The following FYCO1 variants were observed in gnomAD, a reference collection of about 807,000 sequenced individuals.
FYCO1 encodes FYVE and coiled-coil domain-containing protein 1.
A neutral mutation model predicts 165.1 loss-of-function variants in FYCO1; 122 were observed. The observed-to-expected ratio is 0.74, with a 90% CI of 0.64 to 0.86. FYCO1 has a LOEUF of 0.86. Ranked by LOEUF, FYCO1 falls within the 40% of genes least tolerant of loss-of-function variation. FYCO1 has a pLI of 0.00. For synonymous variants in FYCO1, 648 were observed against 742.5 expected, an observed-to-expected ratio of 0.87 and a Z score of 2.07; for missense variants, 1,702 against 1,810.3, an observed-to-expected ratio of 0.94 and a Z score of 1.09.
intron 14 of FYCO1, among the ~76,000 whole-genome samples, chr3:45,940,557 A>G (rs1559445715): frequency 6.6e-6 from 1 of 152,196 alleles, no homozygotes. Context: ...CTCCAAGGGA[A>G]GAGTCGGGGG....
chr3:45,981,195 T>C (rs1358280993), intron 3 of FYCO1, among the ~76,000 whole-genome samples: 2 of 152,330 alleles, frequency 1.3e-5, no homozygotes, highest in East Asian at 1.9e-4. Context: ...AAATGCGTGA[T>C]TGTGTGTATA....
intron 4 of FYCO1, among the ~76,000 whole-genome samples, chr3:45,976,135 A>C (rs1706746201): frequency 6.6e-6 from 1 of 152,268 alleles, no homozygotes; most frequent in South Asian, 2.1e-4. Flanking sequence ...TCTGTCTCAC[A>C]AGTTTGGCAT....
intron 3 of FYCO1, among the ~76,000 whole-genome samples, chr3:45,980,837 T>C (rs192953023): frequency 6.6e-6 from 1 of 152,148 alleles, no homozygotes; most frequent in African/African-American, 2.4e-5. Flanking sequence ...TAGAAAAAAA[T>C]TTAACACCTA....
intron 11 of FYCO1, among the ~76,000 whole-genome samples, chr3:45,960,620 G>GT (rs1367158705): frequency 6.6e-6 from 1 of 152,208 alleles, no homozygotes; most frequent in African/African-American, 2.4e-5. Flanking sequence ...AGAAGGCAGA[G>GT]TTTTTAAACT....
intron 15 of FYCO1, among the ~76,000 whole-genome samples, chr3:45,934,933 G>C (rs1703815976): frequency 6.6e-6 from 1 of 152,200 alleles, no homozygotes; most frequent in Non-Finnish European, 1.5e-5. Flanking sequence ...CTGCAGCCAA[G>C]TTGCTCTCCA....
At position 45,967,606 on chromosome 3, in the gene FYCO1, A is replaced by G; in HGVS notation, c.1728T>C (p.Pro576=). The G allele has an allele frequency of 3.1e-6, 5 of 1,613,996 alleles. No homozygotes were observed. The highest frequency in any genetic ancestry group is 4.2e-6 in the Non-Finnish European group (5 of 1,180,012). Residue 576 remains proline (P), a synonymous_variant, in exon 8 of 18, where the codon CCT becomes CCC. Coordinates refer to ENST00000296137, the MANE Select transcript of FYCO1 (RefSeq NM_024513.4). ...VAGEKNEALV[P]VNSSLQEAWG... is the part of the protein sequence containing the mutation. ...AGGCCTCTTGCAGACTGGAGTTCAC[A>G]GGGACCAGGGCCTCATTCTTCTCAC...
At chr3:45,988,038 G>A (rs867881386) in intron 1 of FYCO1, among the ~76,000 whole-genome samples, 4 of 152,146 alleles carry the variant, frequency 2.6e-5, no homozygotes, top group Non-Finnish European at 4.4e-5. Context: ...TTCCCAGGTC[G>A]TGGGGTGAGC....
At chr3:45,945,722 A>G (rs1178716444) in intron 14 of FYCO1, 2 of 152,180 alleles carry the variant, frequency 1.3e-5, no homozygotes, top group African/African-American at 4.8e-5. Flanking sequence ...TAACTGATGA[A>G]GGGGAAAGTT....
At chr3:45,936,680 A>T in intron 14 of FYCO1, 137 bp from the exon 15 acceptor site, 1 of 719,042 alleles carries the variant, frequency 1.4e-6, no homozygotes, top group South Asian at 1.4e-5. Flanking sequence ...AGGCCATGAC[A>T]GAGACCCTGG....
At chr3:45,968,843 A>G in intron 7 of FYCO1, 140 bp from the exon 8 acceptor site, 1 of 1,012,966 alleles carries the variant, frequency 9.9e-7, no homozygotes, top group Non-Finnish European at 1.5e-6. Context: ...ACTATTCAAA[A>G]GACTAGAATC....
intron 4 of FYCO1, among the ~76,000 whole-genome samples, chr3:45,977,011 C>T (rs184536599): frequency 2.0e-4 from 30 of 152,172 alleles, no homozygotes; most frequent in African/African-American, 7.0e-4. Flanking sequence ...TCAGCAGATG[C>T]GCGGGGGAGA....
At chr3:45,928,234 T>C (rs967874387) in intron 16 of FYCO1, among the ~76,000 whole-genome samples, 4 of 152,206 alleles carry the variant, frequency 2.6e-5, no homozygotes, top group African/African-American at 9.6e-5. Flanking sequence ...GCGTGAGTTA[T>C]ATCTCAATAA....
intron 14 of FYCO1, among the ~76,000 whole-genome samples, chr3:45,942,607 A>G (rs1471620588): frequency 6.6e-6 from 1 of 152,190 alleles, no homozygotes; most frequent in East Asian, 1.9e-4. Flanking sequence ...TACCCTCTCC[A>G]CTACAAGGCA....
chr3:45,943,719 C>A (rs1359270895), intron 14 of FYCO1, among the ~76,000 whole-genome samples: 1 of 152,162 alleles, frequency 6.6e-6, no homozygotes, highest in Non-Finnish European at 1.5e-5. Context: ...GTGGGTTAAA[C>A]TGGAGAAACA....
chr3:45,923,704 A>G lies in FYCO1; in HGVS notation c.4313T>C (p.Val1438Ala), dbSNP rs1225381504. 3 of 1,614,052 alleles carry G rather than the reference A, an allele frequency of 1.9e-6. No individual in the cohort carries two copies. Among genetic ancestry groups the G allele is most frequent in the Non-Finnish European group, 2.5e-6 (3 of 1,180,020 alleles). The part of the protein sequence containing the change: ...HKENIQGQLK[V>A]RTPGIYMLIF... ...GAGCATGTAGATGCCGGGTGTGCGA[A>G]CCTTGAGCTGGCCCTGGATGTTCTC... Residue 1438 changes from valine (V) to alanine (A), a missense_variant, in exon 17 of 18, where the codon GTT (valine) becomes GCT (alanine). By Grantham distance (64) the Val-to-Ala change is moderately conservative. Coordinates refer to ENST00000296137, the MANE Select transcript of FYCO1 (RefSeq NM_024513.4).
rs13059238 is a variant in FYCO1 at position 45,966,333 on chromosome 3, T to C, written c.3001A>G (p.Asn1001Asp). The C allele has an allele frequency of 0.11, 184,647 of 1,613,892 alleles. 14,017 individuals carry two copies. The highest frequency in any genetic ancestry group is 0.34 in the South Asian group (30,541 of 91,076). The change falls in exon 8 of 18, where the codon AAC becomes GAC. Residue 1001 changes from asparagine (N) to aspartate (D), a missense_variant. Coordinates refer to ENST00000296137, the MANE Select transcript of FYCO1 (RefSeq NM_024513.4). ...SLQEAAHQELNTLKFQLSAEI... is the reference protein window; with the variant it reads ...SLQEAAHQELDTLKFQLSAEI... ...GCACTCAGCTGGAACTTGAGGGTGT[T>C]GAGCTCCTGGTGTGCAGCCTCTTGG...
intron 12 of FYCO1, 137 bp from the exon 13 acceptor site, chr3:45,958,756 T>C: frequency 2.5e-6 from 2 of 795,190 alleles, no homozygotes; most frequent in Non-Finnish European, 2.2e-6. Context: ...GATGTGGCCA[T>C]GAGCTCATTT....
Position 45,962,346 on chromosome 3 carries a change from A to C in FYCO1, c.3316T>G (p.Tyr1106Asp), listed in dbSNP as rs1705742648. 1 of 1,614,004 alleles carries C rather than the reference A, an allele frequency of 6.2e-7. No individual in the cohort carries two copies. The highest frequency in any genetic ancestry group is 8.5e-7 in the Non-Finnish European group (1 of 1,179,936). Reference protein sequence around the residue: ...EKATTKIQEYYNKLCQEVTNR... With the variant: ...EKATTKIQEYDNKLCQEVTNR... ...GTCACCTCCTGGCAGAGTTTGTTGT[A>C]ATACTCTTGGATTTTTGTTGTGGCT... The change falls in exon 11 of 18, where the codon TAC (tyrosine) becomes GAC (aspartate). Residue 1106 changes from tyrosine to aspartate, a missense_variant. By Grantham distance (160) the Tyr-to-Asp change is radical. Transcript: ENST00000296137. The surrounding 1 kb of genome is among the most constrained non-coding windows in gnomAD (Gnocchi z 4.4).
Position 45,967,196 on chromosome 3 carries a change from C to T in FYCO1, c.2138G>A (p.Arg713Gln), listed in dbSNP as rs563503739. 30 of 1,613,964 alleles carry T rather than the reference C, an allele frequency of 1.9e-5. No individual in the cohort carries two copies. Among genetic ancestry groups the T allele is most frequent in the East Asian group, 8.9e-5 (4 of 44,868 alleles). The change falls in exon 8 of 18, where the codon CGG becomes CAG. Residue 713 changes from arginine to glutamine, a missense_variant. Physicochemically the swap from Arg to Gln is conservative, Grantham distance 43 (BLOSUM62 1). Coordinates refer to ENST00000296137, the MANE Select transcript of FYCO1 (RefSeq NM_024513.4). ...TTGCTGGCACTGCTCCACCTCCTCC[C>T]GCAGCTGCTGACACTCGCCCTCCTT... ...QSKEGECQQL[R>Q]EEVEQCQQLA...
Sources: gnomAD v4.1 joint callset for allele counts (sites outside exome capture counted in the v4.1 genomes callset) on GRCh38, gnomAD v4.1.1 for gene constraint, Gnocchi (gnomAD v3.1) non-coding constraint, MANE v1.5 for transcripts, NCBI Gene and HGNC (gene_info 2026-07-23, HGNC 2026-07-21) for gene names.